Variants in GOLGA4 observed in about 807,000 individuals in gnomAD.
GOLGA4 encodes golgin subfamily A member 4.
GOLGA4 carries 169 observed loss-of-function variants against 265.9 expected under a neutral mutation model. The observed-to-expected ratio is 0.64, with a 90% CI of 0.56 to 0.72. The LOEUF (loss-of-function observed/expected upper bound fraction) is 0.72. GOLGA4 is among the 30% of genes least tolerant of loss of function. The pLI is 0.00. For missense variants in GOLGA4, 2,482 were observed against 2,483.4 expected, an observed-to-expected ratio of 1.00 and a Z score of 0.01; for synonymous variants, 923 against 855.8, an observed-to-expected ratio of 1.08 and a Z score of -1.37.
intron 2 of GOLGA4, among the ~76,000 whole-genome samples, chr3:37,256,899 A>T (rs1256523277): frequency 6.6e-6 from 1 of 150,510 alleles, no homozygotes; most frequent in Non-Finnish European, 1.5e-5. Flanking sequence ...GGCTCAAGGG[A>T]CCCTGATTTT....
rs191161506 is a variant in GOLGA4, at chr3:37,319,289, C to A, written c.1545+95C>A. 115 of 963,966 alleles carry A rather than the reference C, an allele frequency of 1.2e-4. 1 individual carries two copies. The East Asian group carries it at 2.9e-3, about 25-fold the overall frequency. 59.7% of individuals were successfully genotyped at this position (963,966 alleles called of 1,614,324 possible). ...TGTTGCATTCCAGTTGGAAGTCAGA[C>A]TACTGGCAGTCTTGACGTTTGGGTA... On this transcript the variant is annotated intron_variant, in intron 12 of 23. Coordinates refer to ENST00000361924, the MANE Select transcript of GOLGA4 (RefSeq NM_002078.5).
At chr3:37,264,504 T>G (rs1487549325) in intron 2 of GOLGA4, among the ~76,000 whole-genome samples, 1 of 152,182 alleles carries the variant, frequency 6.6e-6, no homozygotes, top group Non-Finnish European at 1.5e-5. Context: ...TTTGAAATGT[T>G]TTTCCTATTT....
chr3:37,328,268 A>T (rs112628635), intron 14 of GOLGA4, 148 bp from the exon 15 acceptor site: 224 of 676,216 alleles, frequency 3.3e-4, no homozygotes, highest in Middle Eastern at 8.9e-4. Flanking sequence ...ACACACACAC[A>T]CTCACTCTCA....
chr3:37,266,132 G>C (rs557478692), intron 2 of GOLGA4, among the ~76,000 whole-genome samples: 2 of 151,862 alleles, frequency 1.3e-5, no homozygotes, highest in East Asian at 3.9e-4. Context: ...TTGCGTGTCT[G>C]AAACTATGTC....
In GOLGA4 at chr3:37,324,312, C is replaced by G. The variant is rs749350932; in HGVS notation, c.2426C>G (p.Ala809Gly). 1 of 1,614,112 alleles carries G rather than the reference C, an allele frequency of 6.2e-7. No homozygotes were observed. The highest frequency in any genetic ancestry group is 8.5e-7 in the Non-Finnish European group (1 of 1,180,008). ...GACGTTTTTCAGTCTTACCAGAGTGCCACACATGAGCAGACAAAAGCATAT... is the reference window on the plus strand; with the variant it reads ...GACGTTTTTCAGTCTTACCAGAGTGGCACACATGAGCAGACAAAAGCATAT... ...KLDVFQSYQS[A>G]THEQTKAYEE... The change falls in exon 14 of 24, where the codon GCC becomes GGC. Residue 809 changes from alanine (A) to glycine (G), a missense_variant. Around this residue, in one of 3 missense-constraint regions of GOLGA4, gnomAD observed 1,536 missense variants for 1,483.7 expected, o/e 1.04. Transcript: ENST00000361924.
At chr3:37,362,869 G>C (rs1011297163) in intron 23 of GOLGA4, among the ~76,000 whole-genome samples, 2 of 137,444 alleles carry the variant, frequency 1.5e-5, no homozygotes, top group Non-Finnish European at 3.0e-5. Flanking sequence ...TGCAAGCCCC[G>C]CCTCCTGGGT....
chr3:37,330,763 CA>C (rs1361147748), intron 16 of GOLGA4, among the ~76,000 whole-genome samples: 16 of 152,204 alleles, frequency 1.1e-4, no homozygotes, highest in Non-Finnish European at 1.9e-4. Context: ...CACGGTGGCT[CA>C]TGCCTGTAAT....
At chr3:37,340,664 C>A (rs774577365) in intron 20 of GOLGA4, among the ~76,000 whole-genome samples, 7 of 152,150 alleles carry the variant, frequency 4.6e-5, no homozygotes, top group Admixed American at 4.6e-4. Context: ...TTGAGTTCAG[C>A]TTTTTAGATT....
rs116634321 is a variant in GOLGA4, at chr3:37,266,752, G to A, written c.163-15206G>A. On this transcript the variant is annotated intron_variant, in intron 2 of 23. Coordinates refer to ENST00000361924, the MANE Select transcript of GOLGA4 (RefSeq NM_002078.5). ...CATTATAGTGTTATGCATGCTGCGT[G>A]GTGAGAACACTTTGCAACATGCCAT... 5.8e-3 allele frequency: 2,719 copies of A among 471,358 alleles called. 13 individuals carry two copies. Among genetic ancestry groups the A allele is most frequent in the Non-Finnish European group, 8.4e-3 (2,162 of 257,674 alleles). The allele number at this position is 471,358 out of a possible 1,614,324, so 29.2% of individuals were successfully genotyped here.
intron 2 of GOLGA4, among the ~76,000 whole-genome samples, chr3:37,263,502 A>G (rs956084524): frequency 6.6e-6 from 1 of 152,148 alleles, no homozygotes; most frequent in Non-Finnish European, 1.5e-5. Context: ...ACATGACAAA[A>G]TGGCCTAACA....
chr3:37,273,739 G>GT (rs1429310904), intron 2 of GOLGA4: 24 of 573,040 alleles, frequency 4.2e-5, no homozygotes, highest in Admixed American at 3.3e-4. Flanking sequence ...GTAAACACAG[G>GT]TTTGCTCATG....
rs1160712949 is a variant in GOLGA4 at position 37,324,734 on chromosome 3, A to C, written c.2848A>C (p.Lys950Gln). 6.9e-6 allele frequency: 11 copies of C among 1,585,156 alleles called. No individual in the cohort carries two copies. The Admixed American group carries it at 2.1e-4, about 31-fold the overall frequency. Reference protein sequence around the residue: ...ILNEEYETKFKNQEKKMEKVK... With the variant: ...ILNEEYETKFQNQEKKMEKVK... ...GAATGAGGAATATGAAACCAAATTT[A>C]AAAACCAAGAAAAAAAGATGGAAAA... The change falls in exon 14 of 24, where the codon AAA becomes CAA. Residue 950 changes from lysine to glutamine, a missense_variant. Lys to Gln is a moderately conservative substitution (Grantham distance 53). Coordinates refer to ENST00000361924, the MANE Select transcript of GOLGA4 (RefSeq NM_002078.5).
chr3:37,264,260 G>A (rs985843056), intron 2 of GOLGA4, among the ~76,000 whole-genome samples: 1 of 152,218 alleles, frequency 6.6e-6, no homozygotes, highest in African/African-American at 2.4e-5. Flanking sequence ...TCTAAGAAAA[G>A]TGAATTTTTT....
intron 21 of GOLGA4, among the ~76,000 whole-genome samples, chr3:37,349,123 T>C (rs2097065570): frequency 6.6e-6 from 1 of 152,308 alleles, no homozygotes; most frequent in East Asian, 1.9e-4. Context: ...CATCACATTT[T>C]ATAGGCAAAT....
chr3:37,244,096 C>T (rs912383138), intron 1 of GOLGA4: 1 of 154,628 alleles, frequency 6.5e-6, no homozygotes, highest in Non-Finnish European at 1.4e-5. Context: ...CACAATTGAC[C>T]CTCGACGGAA....
chr3:37,348,689 AT>A (rs1031532292), intron 21 of GOLGA4, among the ~76,000 whole-genome samples: 15 of 152,200 alleles, frequency 9.9e-5, no homozygotes, highest in Admixed American at 8.5e-4. Context: ...ACCTTGGCTC[AT>A]TAGTGAATCT....
intron 2 of GOLGA4, among the ~76,000 whole-genome samples, chr3:37,275,026 A>G (rs2096810650): frequency 6.6e-6 from 1 of 151,730 alleles, no homozygotes; most frequent in South Asian, 2.1e-4. Flanking sequence ...AGCCTAACCA[A>G]CATGGTGAAA....
chr3:37,318,663 T>G (rs1414287719), intron 11 of GOLGA4, among the ~76,000 whole-genome samples: 1 of 152,174 alleles, frequency 6.6e-6, no homozygotes, highest in Non-Finnish European at 1.5e-5. Flanking sequence ...GCCTGTACCT[T>G]TTAATAAATA....
At chr3:37,287,540 TTTAG>T (rs2096852984) in intron 4 of GOLGA4, 1 of 152,226 alleles carries the variant, frequency 6.6e-6, no homozygotes, top group African/African-American at 2.4e-5. Flanking sequence ...TTTTGGTATA[TTTAG>T]TTCTAGCCTC....
Sources: gnomAD v4.1 joint callset for allele counts (sites outside exome capture counted in the v4.1 genomes callset) on GRCh38, gnomAD v4.1.1 for gene constraint, gnomAD v4.1.1 regional missense constraint, MANE v1.5 for transcripts, NCBI Gene and HGNC (gene_info 2026-07-23, HGNC 2026-07-21) for gene names.